TENM4: variants seen among roughly 807,000 people sequenced by gnomAD.
The protein encoded by TENM4 is teneurin transmembrane protein 4.
A neutral mutation model predicts 243.3 loss-of-function variants in TENM4; 82 were observed. That is an observed-to-expected ratio of 0.34 (90% CI 0.28 to 0.40). The LOEUF (loss-of-function observed/expected upper bound fraction) is 0.40, where lower values mean the gene tolerates loss of function less well. TENM4 is among the 10% of genes least tolerant of loss of function. TENM4 has a pLI of 1.00. For synonymous variants in TENM4, 1,412 were observed against 1,456.3 expected, an observed-to-expected ratio of 0.97 and a Z score of 0.69; for missense variants, 3,138 against 3,673.3, an observed-to-expected ratio of 0.85 and a Z score of 3.77.
intron 3 of TENM4, among the ~76,000 whole-genome samples, chr11:79,156,264 G>C (rs1449510605): frequency 2.0e-5 from 3 of 152,224 alleles, no homozygotes; most frequent in African/African-American, 7.2e-5. Context: ...TGTAGCTCCT[G>C]CCCAAGTTGG....
intron 32 of TENM4, among the ~76,000 whole-genome samples, chr11:78,667,791 A>G (rs932986495): frequency 7.2e-5 from 11 of 152,222 alleles, no homozygotes; most frequent in African/African-American, 1.4e-4. Flanking sequence ...ATTGAATCGC[A>G]CGACAAAAGA....
At position 79,310,646 on chromosome 11, in the gene TENM4, G is replaced by A. The variant is rs1335462730; in HGVS notation, c.-320-13103C>T. On this transcript the variant is annotated intron_variant, in intron 1 of 33. Transcript: ENST00000278550. ...AAAGTTGCCCTGTAGTTAACAACGG[G>A]CAGCTTTCATCCTGCCTGTTCTAGA... 2.0e-5 allele frequency among the ~76,000 whole-genome samples: 3 copies of A among 152,140 alleles called. No homozygotes were observed. The East Asian group carries it at 5.8e-4, about 29-fold the overall frequency.
At chr11:78,922,182 C>G (rs1253693343) in intron 6 of TENM4, among the ~76,000 whole-genome samples, 1 of 152,174 alleles carries the variant, frequency 6.6e-6, no homozygotes, top group East Asian at 1.9e-4. Flanking sequence ...CTGAGGTGAT[C>G]TCTGGAGGCC....
intron 19 of TENM4, among the ~76,000 whole-genome samples, chr11:78,751,987 CAG>C: frequency 6.6e-6 from 1 of 152,196 alleles, no homozygotes; most frequent in Non-Finnish European, 1.5e-5. Context: ...GCATCCAGGC[CAG>C]GAGAGAATGG....
intron 7 of TENM4, among the ~76,000 whole-genome samples, chr11:78,892,439 A>G (rs1404994789): frequency 6.6e-6 from 1 of 152,192 alleles, no homozygotes; most frequent in Non-Finnish European, 1.5e-5. Flanking sequence ...CAGGTCTTAG[A>G]GCCAGCATTC....
intron 2 of TENM4, among the ~76,000 whole-genome samples, chr11:79,224,148 C>T (rs1864215318): frequency 6.6e-6 from 1 of 152,170 alleles, no homozygotes; most frequent in South Asian, 2.1e-4. Flanking sequence ...AGGATGAACT[C>T]CTTGTTGCTA....
intron 9 of TENM4, 148 bp from the exon 10 acceptor site, chr11:78,863,280 C>T (rs769770799): frequency 1.9e-5 from 17 of 912,568 alleles, no homozygotes; most frequent in Non-Finnish European, 2.3e-5. Context: ...CTTGTAGTGC[C>T]AGCCCTGCAA....
chr11:78,967,818 G>A (rs1162658346), intron 6 of TENM4, among the ~76,000 whole-genome samples: 2 of 152,234 alleles, frequency 1.3e-5, no homozygotes, highest in African/African-American at 2.4e-5. Context: ...AAGAGGACCA[G>A]TGAAGGTGGA....
At chr11:79,409,060 TTGTGTG>T (rs559211499) in intron 1 of TENM4, among the ~76,000 whole-genome samples, 11,124 of 141,910 alleles carry the variant, frequency 0.078, 525 homozygotes, top group African/African-American at 0.12. Flanking sequence ...GAGGGATATT[TTGTGTG>T]TGTGTGTGTG....
intron 2 of TENM4, among the ~76,000 whole-genome samples, chr11:79,276,529 C>T (rs544285546): frequency 6.6e-5 from 10 of 152,182 alleles, no homozygotes; most frequent in Admixed American, 5.2e-4. Context: ...GGGATACATC[C>T]GGCATGCATC....
At chr11:79,050,985 G>A (rs1337273961) in intron 6 of TENM4, among the ~76,000 whole-genome samples, 1 of 152,182 alleles carries the variant, frequency 6.6e-6, no homozygotes, top group African/African-American at 2.4e-5. Context: ...CTGTGCATGC[G>A]TGTGGAGTCA....
At chr11:79,198,075 G>T (rs768374033) in intron 3 of TENM4, among the ~76,000 whole-genome samples, 6 of 152,158 alleles carry the variant, frequency 3.9e-5, no homozygotes, top group Admixed American at 3.3e-4. Flanking sequence ...ATCAGGATTA[G>T]GTAAGAGGCC....
At chr11:79,001,730 C>A (rs959456434) in intron 6 of TENM4, among the ~76,000 whole-genome samples, 2 of 152,108 alleles carry the variant, frequency 1.3e-5, no homozygotes, top group African/African-American at 4.8e-5. Context: ...GAACTAATTG[C>A]CCCCCTGTAT....
chr11:79,336,860 G>T (rs1857156542), intron 1 of TENM4, among the ~76,000 whole-genome samples: 2 of 152,220 alleles, frequency 1.3e-5, no homozygotes, highest in African/African-American at 4.8e-5. Flanking sequence ...GGATTGGGCA[G>T]TGTTCACATC....
intron 3 of TENM4, among the ~76,000 whole-genome samples, chr11:79,208,419 G>A (rs542578803): frequency 2.1e-4 from 32 of 152,144 alleles, no homozygotes; most frequent in Non-Finnish European, 4.0e-4. Flanking sequence ...GTAAAATGGG[G>A]GTGATAAGAA....
intron 2 of TENM4, among the ~76,000 whole-genome samples, chr11:79,295,455 G>C (rs1214376181): frequency 2.0e-5 from 3 of 152,186 alleles, no homozygotes; most frequent in Non-Finnish European, 4.4e-5. Context: ...CCCGGGAAAG[G>C]AAGGAGCCCC....
chr11:79,325,321 A>G (rs956132260), intron 1 of TENM4, among the ~76,000 whole-genome samples: 1 of 152,220 alleles, frequency 6.6e-6, no homozygotes, highest in Non-Finnish European at 1.5e-5. Context: ...GTGCACTATA[A>G]AGGAGGAATG....
intron 2 of TENM4, among the ~76,000 whole-genome samples, chr11:79,246,889 G>A (rs903514804): frequency 1.5e-4 from 23 of 148,714 alleles, no homozygotes; most frequent in Admixed American, 1.5e-3. Context: ...TCTATTTTTT[G>A]CCCTGAGTAG....
chr11:79,128,466 A>G (rs1203370991), intron 4 of TENM4, among the ~76,000 whole-genome samples: 1 of 152,212 alleles, frequency 6.6e-6, no homozygotes, highest in Non-Finnish European at 1.5e-5. Context: ...AATAAGTTAC[A>G]TGAGGAAGTG....
Sources: gnomAD v4.1 joint callset for allele counts (sites outside exome capture counted in the v4.1 genomes callset) on GRCh38, gnomAD v4.1.1 for gene constraint, MANE v1.5 for transcripts, NCBI Gene and HGNC (gene_info 2026-07-23, HGNC 2026-07-21) for gene names.